Variants in PSMC2 observed in about 807,000 individuals in gnomAD.
PSMC2 encodes proteasome 26S subunit, ATPase 2.
Under a neutral mutation model 53.3 loss-of-function variants are expected in PSMC2, and 7 were observed. That is an observed-to-expected ratio of 0.13 (90% CI 0.07 to 0.25). The LOEUF (loss-of-function observed/expected upper bound fraction) is 0.25. Among genes scored for constraint, PSMC2 ranks in the 10% least tolerant of loss-of-function variants. PSMC2 has a pLI of 1.00. For synonymous variants in PSMC2, 169 were observed against 183.9 expected, an observed-to-expected ratio of 0.92 and a Z score of 0.66; for missense variants, 241 against 544.0, an observed-to-expected ratio of 0.44 and a Z score of 5.54.
intron 1 of PSMC2, 122 bp downstream of exon 1, chr7:103,347,903 A>C: frequency 9.4e-7 from 1 of 1,069,192 alleles, no homozygotes; most frequent in Non-Finnish European, 1.4e-6. Context: ...TGCCCCTAGT[A>C]ATTTAGTCTG....
chr7:103,354,338 C>T (rs1260753602), intron 2 of PSMC2, among the ~76,000 whole-genome samples: 1 of 149,750 alleles, frequency 6.7e-6, no homozygotes, highest in African/African-American at 2.5e-5. Flanking sequence ...GCATAGAAAT[C>T]GATAGTTTTG....
intron 4 of PSMC2, among the ~76,000 whole-genome samples, chr7:103,361,270 G>T (rs947600838): frequency 1.3e-5 from 2 of 151,546 alleles, no homozygotes; most frequent in Middle Eastern, 3.2e-3. Flanking sequence ...GATCACCTGA[G>T]GTTGGGATTT....
intron 8 of PSMC2, among the ~76,000 whole-genome samples, chr7:103,365,810 C>A (rs1820687906): frequency 6.6e-6 from 1 of 152,072 alleles, no homozygotes. Context: ...TGCCTGTAAT[C>A]CCAGCTACCC....
chr7:103,355,048 T>A (rs968806459), intron 3 of PSMC2, 99 bp downstream of exon 3: 143 of 790,084 alleles, frequency 1.8e-4, no homozygotes, highest in Middle Eastern at 1.3e-3. Flanking sequence ...ATTACAGATT[T>A]AAAAAAAATC....
intron 4 of PSMC2, 62 bp downstream of exon 4, chr7:103,355,855 A>G: frequency 1.7e-6 from 2 of 1,174,998 alleles, no homozygotes; most frequent in Non-Finnish European, 2.5e-6. Context: ...TTAATGTTAG[A>G]GTCTCAGGGA....
intron 1 of PSMC2, 82 bp downstream of exon 1, chr7:103,347,863 C>T (rs1021282413): frequency 2.0e-6 from 3 of 1,468,436 alleles, no homozygotes; most frequent in African/African-American, 2.8e-5. Context: ...GCTGGATTCC[C>T]GCTCCTGGCT....
rs140451125 is a variant in PSMC2, at chr7:103,347,726, C to T, written c.15C>T (p.Leu5=). 4 of 1,613,922 alleles carry T rather than the reference C, an allele frequency of 2.5e-6. No homozygotes were observed. The highest frequency in any genetic ancestry group is 1.3e-5 in the African/African-American group (1 of 75,024). ...GAGCTGCTAAAATGCCGGATTACCT[C>T]GGTGCCGATCAGCGGAAGACCAAAG... The part of the protein sequence containing the change: MPDY[L]GADQRKTKED... The change falls in exon 1 of 12, where the codon CTC becomes CTT. Residue 5 remains leucine, a synonymous_variant. Coordinates refer to ENST00000292644, the MANE Select transcript of PSMC2 (RefSeq NM_002803.4).
intron 3 of PSMC2, among the ~76,000 whole-genome samples, chr7:103,355,385 G>A (rs1297202434): frequency 6.6e-6 from 1 of 152,050 alleles, no homozygotes; most frequent in East Asian, 1.9e-4. Flanking sequence ...TATATTTTTG[G>A]CTTGACAATT....
At chr7:103,357,601 T>A (rs1820110837) in intron 4 of PSMC2, among the ~76,000 whole-genome samples, 1 of 152,188 alleles carries the variant, frequency 6.6e-6, no homozygotes, top group Non-Finnish European at 1.5e-5. Context: ...ACCTTTCCTA[T>A]CCCCTCATCC....
intron 4 of PSMC2, 65 bp from the exon 5 acceptor site, chr7:103,361,892 A>G: frequency 6.8e-7 from 1 of 1,469,412 alleles, no homozygotes; most frequent in South Asian, 1.3e-5. Context: ...GATATAATCT[A>G]GTTAGTTGAA....
In PSMC2 at chr7:103,369,121, ATGC is replaced by A. The variant is rs1316425946; in HGVS notation, c.*1072_*1074del. 6.6e-6 allele frequency: 1 copy of A among 152,212 alleles called. No homozygotes were observed. Among genetic ancestry groups the A allele is most frequent in the African/African-American group, 2.4e-5 (1 of 41,456 alleles). 9.4% of individuals were successfully genotyped at this position (152,212 alleles called of 1,614,324 possible). A position where few individuals can be genotyped will look rare whatever the true frequency, so the allele number is the denominator to read the frequency against. ...ATAGAAAAAGTTGACAACATAGAAA[ATGC>A]TGCTTTGCACTGAAATACTTAAAAT... On this transcript the variant is annotated 3_prime_UTR_variant, in exon 12 of 12. Coordinates refer to ENST00000292644, the MANE Select transcript of PSMC2 (RefSeq NM_002803.4).
rs193264289 is a variant in PSMC2, at chr7:103,357,630, A to G, written c.290+1837A>G. Among the ~76,000 whole-genome samples, 284 of 152,150 alleles carry G rather than the reference A, an allele frequency of 1.9e-3. 5 individuals are homozygous for G. Among genetic ancestry groups the G allele is most frequent in the Admixed American group, 0.017 (266 of 15,284 alleles). On this transcript the variant is annotated intron_variant, in intron 4 of 11. Transcript: ENST00000292644. ...CTCATCCTTCCTATGTAATTCTGTT[A>G]TAATTTTGGTTAGATCAGTATTCAG...
At chr7:103,363,322 T>C in intron 6 of PSMC2, 22 bp from the exon 7 acceptor site, 5 of 1,575,080 alleles carry the variant, frequency 3.2e-6, no homozygotes, top group Non-Finnish European at 4.4e-6. Context: ...CTGTATGTTG[T>C]ACATTTCTGT....
rs117430989 is a variant in PSMC2, at chr7:103,366,166, G to A, written c.844+3G>A. Reference sequence around the variant, plus strand: ...TGATGAAATTGATGCTATTGGAGGTGAGAATGATACGTTAGAGAACTGCTT... The same window carrying A: ...TGATGAAATTGATGCTATTGGAGGTAAGAATGATACGTTAGAGAACTGCTT... On this transcript the variant is annotated splice_donor_region_variant and intron_variant, in intron 9 of 11. Transcript: ENST00000292644. The A allele has an allele frequency of 0.017, 27,351 of 1,607,626 alleles. 306 individuals carry two copies. The highest frequency in any genetic ancestry group is 0.019 in the Non-Finnish European group (21,889 of 1,174,384).
Position 103,367,628 on chromosome 7 carries a change from T to C in PSMC2, c.1047+13T>C. On this transcript the variant is annotated intron_variant, in intron 10 of 11. Transcript: ENST00000292644. This position sits in a 1 kb window ranked among gnomAD's most constrained non-coding sequence, Gnocchi z 6.1. Reference sequence around the variant, plus strand: ...GCCCGATCTAGAGGTAAGAAAACCATTTCATTTTAGGAAAGGGATTTTTGA... The same window carrying C: ...GCCCGATCTAGAGGTAAGAAAACCACTTCATTTTAGGAAAGGGATTTTTGA... The C allele has an allele frequency of 6.2e-7, 1 of 1,612,188 alleles. No homozygotes were observed. The highest frequency in any genetic ancestry group is 8.5e-7 in the Non-Finnish European group (1 of 1,179,050).
At chr7:103,366,662 C>T (rs926632747) in intron 9 of PSMC2, among the ~76,000 whole-genome samples, 24 of 152,126 alleles carry the variant, frequency 1.6e-4, no homozygotes, top group Admixed American at 7.2e-4. Flanking sequence ...TTAAACAACT[C>T]GTAAATTGAG....
chr7:103,350,062 T>A (rs1645430918), intron 1 of PSMC2, among the ~76,000 whole-genome samples: 1 of 152,236 alleles, frequency 6.6e-6, no homozygotes, highest in Non-Finnish European at 1.5e-5. Context: ...TTTGACCTTA[T>A]GCCTTCCTCC....
chr7:103,352,536 A>G (rs937792335), intron 1 of PSMC2, among the ~76,000 whole-genome samples: 8 of 151,640 alleles, frequency 5.3e-5, no homozygotes, highest in African/African-American at 1.9e-4. Flanking sequence ...CAGCCCCCCA[A>G]GTAGCTGGGA....
rs1376626291 is a variant in PSMC2 at position 103,369,114 on chromosome 7, A to C, written c.*1060A>C. 1 of 152,248 alleles carries C rather than the reference A, an allele frequency of 6.6e-6. No homozygotes were observed. Among genetic ancestry groups the C allele is most frequent in the Admixed American group, 6.5e-5 (1 of 15,290 alleles). 9.4% of individuals were successfully genotyped at this position (152,248 alleles called of 1,614,324 possible). A position where few individuals can be genotyped will look rare whatever the true frequency, so the allele number is the denominator to read the frequency against. ...ATTCACAATAGAAAAAGTTGACAACATAGAAAATGCTGCTTTGCACTGAAA... is the reference window on the plus strand; with the variant it reads ...ATTCACAATAGAAAAAGTTGACAACCTAGAAAATGCTGCTTTGCACTGAAA... On this transcript the variant is annotated 3_prime_UTR_variant, in exon 12 of 12. Transcript: ENST00000292644.
Sources: gnomAD v4.1 joint callset for allele counts (sites outside exome capture counted in the v4.1 genomes callset) on GRCh38, gnomAD v4.1.1 for gene constraint, Gnocchi (gnomAD v3.1) non-coding constraint, MANE v1.5 for transcripts, NCBI Gene and HGNC (gene_info 2026-07-23, HGNC 2026-07-21) for gene names.